FCRLB: variants seen among roughly 807,000 people sequenced by gnomAD.
FCRLB encodes Fc receptor-like B.
FCRLB carries 34 observed loss-of-function variants against 33.6 expected under a neutral mutation model. The observed-to-expected ratio is 1.01, with a 90% confidence interval of 0.77 to 1.35. The LOEUF is 1.35. FCRLB is among the 40% of genes most tolerant of loss of function. The probability of loss-of-function intolerance (pLI) is 0.00; values close to 1 mark genes in which losing one functional copy is unlikely to be tolerated. For missense variants in FCRLB, 560 were observed against 580.2 expected, an observed-to-expected ratio of 0.97 and a Z score of 0.36; for synonymous variants, 280 against 255.9, an observed-to-expected ratio of 1.09 and a Z score of -0.90.
rs1683423200 is a variant in FCRLB at position 161,723,022 on chromosome 1, A to C, written c.52+13A>C. The stretch of plus-strand genomic sequence containing the variant: ...AGTGGGCAAGCTGGTGAGTCTTATA[A>C]ATTTCTCATCCCAATTTTCTACAGC... On this transcript the variant is annotated intron_variant, in intron 4 of 7. Coordinates refer to ENST00000367948, the Ensembl canonical transcript of FCRLB. 1 of 1,613,538 alleles carries C rather than the reference A, an allele frequency of 6.2e-7. No homozygotes were observed. Among genetic ancestry groups the C allele is most frequent in the African/African-American group, 1.3e-5 (1 of 74,772 alleles).
In FCRLB at chr1:161,726,743, G is replaced by A; in HGVS notation, c.615G>A (p.Arg205=). The change falls in exon 7 of 8, where the codon CGG becomes CGA. Residue 205 remains arginine, a synonymous_variant. Transcript: ENST00000367948. The surrounding 1 kb of genome is among the most constrained non-coding windows in gnomAD (Gnocchi z 5.2). ...CGGTGCTGAGGGTGATGGGTCCGCGGGAGGCCCGCGGCGCGGCGCTGGGTG... is the reference window on the plus strand; with the variant it reads ...CGGTGCTGAGGGTGATGGGTCCGCGAGAGGCCCGCGGCGCGGCGCTGGGTG... 6.3e-7 allele frequency: 1 copy of A among 1,593,406 alleles called. No individual in the cohort carries two copies. Among genetic ancestry groups the A allele is most frequent in the Non-Finnish European group, 8.5e-7 (1 of 1,173,732 alleles).
exon 8 of FCRLB, chr1:161,727,409 C>T (rs1038116888): frequency 6.2e-7 from 1 of 1,613,236 alleles, no homozygotes; most frequent in Non-Finnish European, 8.5e-7. Flanking sequence ...CAGTTCCCGG[C>T]GAGCGGCGCC....
exon 3 of FCRLB, chr1:161,722,670 A>G: frequency 6.2e-7 from 1 of 1,614,100 alleles, no homozygotes; most frequent in Non-Finnish European, 8.5e-7. Flanking sequence ...AGTCAGATCC[A>G]TCATGTGGCC....
In FCRLB at chr1:161,727,531, C is replaced by T. The variant is rs766573479; in HGVS notation, c.1150C>T (p.Leu384Phe). The T allele has an allele frequency of 4.3e-6, 7 of 1,614,054 alleles. No individual in the cohort carries two copies. In the African/African-American group the frequency reaches 9.3e-5, roughly 22 times the overall value. ...CCGAGAAATGCAGCTGCTCAAAGGCCTTCTGAGCCGGGTGGTCCTGGAATT... is the reference window on the plus strand; with the variant it reads ...CCGAGAAATGCAGCTGCTCAAAGGCTTTCTGAGCCGGGTGGTCCTGGAATT... The change falls in exon 8 of 8, where the codon CTT becomes TTT. Residue 384 changes from leucine (L) to phenylalanine (F), a missense_variant. Transcript: ENST00000367948.
intron 4 of FCRLB, 23 bp downstream of exon 4, chr1:161,723,032 C>A: frequency 6.2e-7 from 1 of 1,613,822 alleles, no homozygotes; most frequent in Non-Finnish European, 8.5e-7. Context: ...AATTTCTCAT[C>A]CCAATTTTCT....
At position 161,727,330 on chromosome 1, in the gene FCRLB, AG is replaced by A; in HGVS notation, c.950del (p.Arg317LysfsTer51). On this transcript the variant is annotated frameshift_variant, in exon 8 of 8. Coordinates refer to ENST00000367948, the Ensembl canonical transcript of FCRLB. LOFTEE classifies it low-confidence loss of function (END_TRUNC). ...TCCTGGTAATAGGCCGCTTTCCTTC[AG>A]AAAGCCCCCGGTGTCCAGATCGGTC... The A allele has an allele frequency of 6.2e-7, 1 of 1,613,678 alleles. No individual in the cohort carries two copies. Among genetic ancestry groups the A allele is most frequent in the African/African-American group, 1.3e-5 (1 of 74,966 alleles).
intron 5 of FCRLB, among the ~76,000 whole-genome samples, chr1:161,724,792 G>T (rs909641663): frequency 3.9e-5 from 6 of 152,174 alleles, no homozygotes; most frequent in Admixed American, 2.0e-4. Context: ...AATGGCATCT[G>T]CTCTGTGCTA....
At chr1:161,724,915 C>T (rs1683489596) in intron 5 of FCRLB, among the ~76,000 whole-genome samples, 1 of 152,098 alleles carries the variant, frequency 6.6e-6, no homozygotes, top group Non-Finnish European at 1.5e-5. Context: ...AAGGTCTAAG[C>T]CTAGACATGC....
chr1:161,727,982 G>GT (rs562822872), exon 8 of FCRLB: 10 of 252,722 alleles, frequency 4.0e-5, no homozygotes, highest in South Asian at 1.0e-4. Flanking sequence ...AGCACAGGCA[G>GT]TTTTTTTGGT....
At chr1:161,722,867 C>T (rs1683416641) in intron 3 of FCRLB, 122 bp from the exon 4 acceptor site, 7 of 1,507,238 alleles carry the variant, frequency 4.6e-6, no homozygotes, top group Middle Eastern at 3.6e-4. Context: ...CTTGGGAAAC[C>T]AGGGGCAGAA....
In FCRLB at chr1:161,726,596, C is replaced by A; in HGVS notation, c.575-107C>A. ...ACGTGGACACACGGCCTCCTCCCCT[C>A]CCCCCTTGGTCTGTGGGTCTGCAAG... On this transcript the variant is annotated intron_variant, in intron 6 of 7. Coordinates refer to ENST00000367948, the Ensembl canonical transcript of FCRLB. This position sits in a 1 kb window ranked among gnomAD's most constrained non-coding sequence, Gnocchi z 5.2. 2 of 1,449,172 alleles carry A rather than the reference C, an allele frequency of 1.4e-6. No individual in the cohort carries two copies. Among genetic ancestry groups the A allele is most frequent in the South Asian group, 1.2e-5 (1 of 81,510 alleles). 89.8% of individuals were successfully genotyped at this position (1,449,172 alleles called of 1,614,324 possible).
chr1:161,727,166 C>CCCCCCCCCA, intron 7 of FCRLB, 81 bp from the exon 8 acceptor site: 6 of 1,434,760 alleles, frequency 4.2e-6, no homozygotes, highest in Non-Finnish European at 5.5e-6. Flanking sequence ...CATCCCCGCC[C>CCCCCCCCCA]ACCGCCCTAC....
Position 161,726,702 on chromosome 1 carries a change from G to T in FCRLB, c.575-1G>T. 6.3e-7 allele frequency: 1 copy of T among 1,590,494 alleles called. No homozygotes were observed. On this transcript the variant is annotated splice_acceptor_variant, in intron 6 of 7. Coordinates refer to ENST00000367948, the Ensembl canonical transcript of FCRLB. LOFTEE classifies it high-confidence loss of function. The surrounding 1 kb of genome is among the most constrained non-coding windows in gnomAD (Gnocchi z 5.2). ...GCCGTTGCTCCCCGCCCTCTCCGTA[G>T]AGCTGTTCCGGGCGCCGGTGCTGAG...
At chr1:161,727,530 CCTT>C (rs1162006211) in exon 8 of FCRLB, 10 of 1,614,028 alleles carry the variant, frequency 6.2e-6, no homozygotes, top group Non-Finnish European at 8.5e-6. Flanking sequence ...TGCTCAAAGG[CCTT>C]CTGAGCCGGG....
chr1:161,725,104 T>G (rs1683496885), intron 5 of FCRLB, among the ~76,000 whole-genome samples: 1 of 152,174 alleles, frequency 6.6e-6, no homozygotes, highest in Non-Finnish European at 1.5e-5. Context: ...CAGGAATGAA[T>G]ACTGCCATGG....
chr1:161,727,555 T>C (rs759791278), exon 8 of FCRLB: 1 of 1,614,124 alleles, frequency 6.2e-7, no homozygotes, highest in South Asian at 1.1e-5. Flanking sequence ...GGTCCTGGAA[T>C]TAAAGGAGCC....
At position 161,726,417 on chromosome 1, in the gene FCRLB, C is replaced by T. The variant is rs866095995; in HGVS notation, c.575-286C>T. 12 of 717,640 alleles carry T rather than the reference C, an allele frequency of 1.7e-5. No homozygotes were observed. The African/African-American group carries it at 1.9e-4, about 11-fold the overall frequency. The allele number at this position is 717,640 out of a possible 1,614,324, so 44.5% of individuals were successfully genotyped here. On this transcript the variant is annotated intron_variant, in intron 6 of 7. Transcript: ENST00000367948. This position sits in a 1 kb window ranked among gnomAD's most constrained non-coding sequence, Gnocchi z 5.2. ...CTAGCGTCCTGCAAGGCAGGCGCAGCGTCTCCTATTCTAGGCTGCAGAACC... is the reference window on the plus strand; with the variant it reads ...CTAGCGTCCTGCAAGGCAGGCGCAGTGTCTCCTATTCTAGGCTGCAGAACC...
chr1:161,727,075 GC>G, intron 7 of FCRLB, 82 bp downstream of exon 7: 4 of 868,612 alleles, frequency 4.6e-6, no homozygotes, highest in African/African-American at 3.2e-5. Flanking sequence ...AATCACCCCC[GC>G]CCCCTGGTTC....
intron 3 of FCRLB, 142 bp downstream of exon 3, chr1:161,722,845 G>T: frequency 6.7e-7 from 1 of 1,484,650 alleles, no homozygotes; most frequent in Non-Finnish European, 9.3e-7. Context: ...AGAAGAAGGG[G>T]CTTTCTCAGA....
Sources: allele counts gnomAD v4.1 joint callset (sites outside exome capture counted in the v4.1 genomes callset), GRCh38; gene constraint gnomAD v4.1.1; non-coding constraint Gnocchi (gnomAD v3.1); transcripts MANE v1.5; gene names NCBI Gene and HGNC (gene_info 2026-07-23, HGNC 2026-07-21).